The following ELMOD1 variants were observed in gnomAD, a reference collection of about 807,000 sequenced individuals.
ELMOD1 encodes ELMO domain containing 1, also known as ELMO domain-containing protein 1.
In ELMOD1, 21 loss-of-function variants were observed where a neutral mutation model predicts 46.7. The observed-to-expected ratio is 0.45, with a 90% CI of 0.32 to 0.65. The LOEUF (loss-of-function observed/expected upper bound fraction) is 0.65, where lower values mean the gene tolerates loss of function less well. Among genes scored for constraint, ELMOD1 ranks in the 30% least tolerant of loss-of-function variants. The pLI is 0.04. For synonymous variants in ELMOD1, 122 were observed against 138.2 expected, an observed-to-expected ratio of 0.88 and a Z score of 0.82; for missense variants, 348 against 407.8, an observed-to-expected ratio of 0.85 and a Z score of 1.26.
At chr11:107,607,405 C>T (rs1042842622) in intron 1 of ELMOD1, among the ~76,000 whole-genome samples, 2 of 152,136 alleles carry the variant, frequency 1.3e-5, no homozygotes, top group African/African-American at 2.4e-5. Flanking sequence ...CCTGTAATTC[C>T]AGCACTTTGG....
chr11:107,633,721 G>A (rs564026819), intron 5 of ELMOD1, among the ~76,000 whole-genome samples: 80 of 152,210 alleles, frequency 5.3e-4, no homozygotes, highest in African/African-American at 1.7e-3. Context: ...GTAAGACACC[G>A]CACCCGGCCA....
chr11:107,615,692 C>G (rs1233328445), intron 1 of ELMOD1, among the ~76,000 whole-genome samples: 1 of 152,072 alleles, frequency 6.6e-6, no homozygotes. Flanking sequence ...TAATACATTA[C>G]GTGTAATAGT....
In ELMOD1 at chr11:107,592,428, C is replaced by T. The variant is rs7943081; in HGVS notation, c.-86+1019C>T. ...GGCATCCAGGCATTGTTCTGCATCTCTGCAATGTATACGTTTTGTGCCGGT... is the reference window on the plus strand; with the variant it reads ...GGCATCCAGGCATTGTTCTGCATCTTTGCAATGTATACGTTTTGTGCCGGT... On this transcript the variant is annotated intron_variant, in intron 1 of 11. Coordinates refer to ENST00000265840, the MANE Select transcript of ELMOD1 (RefSeq NM_018712.4). 3,539 of 534,578 alleles carry T rather than the reference C, an allele frequency of 6.6e-3. 106 individuals are homozygous for T. The highest frequency in any genetic ancestry group is 0.062 in the African/African-American group (3,218 of 52,066). 33.1% of individuals were successfully genotyped at this position (534,578 alleles called of 1,614,324 possible). A position where few individuals can be genotyped will look rare whatever the true frequency, so the allele number is the denominator to read the frequency against.
chr11:107,652,739 A>C (rs1261458796), intron 9 of ELMOD1, among the ~76,000 whole-genome samples: 1 of 152,356 alleles, frequency 6.6e-6, no homozygotes, highest in East Asian at 1.9e-4. Flanking sequence ...CTTTAAAAAT[A>C]GGTGGCACGT....
Position 107,665,463 on chromosome 11 carries a change from T to C in ELMOD1, c.*266T>C. ...CCCAGGTATGGAGAGAGTTTTCTATTTTTTTAGACTTTTTTTCCTCTCCCT... is the reference window on the plus strand; with the variant it reads ...CCCAGGTATGGAGAGAGTTTTCTATCTTTTTAGACTTTTTTTCCTCTCCCT... On this transcript the variant is annotated 3_prime_UTR_variant, in exon 12 of 12. Coordinates refer to ENST00000265840, the MANE Select transcript of ELMOD1 (RefSeq NM_018712.4). 3.1e-6 allele frequency: 1 copy of C among 322,428 alleles called. No homozygotes were observed. The highest frequency in any genetic ancestry group is 5.6e-6 in the Non-Finnish European group (1 of 177,350). The allele number at this position is 322,428 out of a possible 1,614,324, so 20.0% of individuals were successfully genotyped here. A position where few individuals can be genotyped will look rare whatever the true frequency, so the allele number is the denominator to read the frequency against.
rs1004821178 is a variant in ELMOD1, at chr11:107,650,909, G to T, written c.647+1G>T. 1 of 1,118,948 alleles carries T rather than the reference G, an allele frequency of 8.9e-7. No homozygotes were observed. Among genetic ancestry groups the T allele is most frequent in the Non-Finnish European group, 1.2e-6 (1 of 826,078 alleles). The allele number at this position is 1,118,948 out of a possible 1,614,324, so 69.3% of individuals were successfully genotyped here. On this transcript the variant is annotated splice_donor_variant, in intron 9 of 11. Transcript: ENST00000265840. LOFTEE classifies it high-confidence loss of function. Reference sequence around the variant, plus strand: ...GGGATATCACTAAAGAAGAAATAAGGTATTTTTTCTTTGTTTTTGTGTTTT... The same window carrying T: ...GGGATATCACTAAAGAAGAAATAAGTTATTTTTTCTTTGTTTTTGTGTTTT...
chr11:107,602,091 G>T (rs1865610053), intron 1 of ELMOD1, among the ~76,000 whole-genome samples: 1 of 152,166 alleles, frequency 6.6e-6, no homozygotes, highest in South Asian at 2.1e-4. Context: ...GTCTGAAATT[G>T]TCTTCATTTT....
chr11:107,654,495 C>T (rs889694244), intron 10 of ELMOD1, among the ~76,000 whole-genome samples: 3 of 152,106 alleles, frequency 2.0e-5, no homozygotes, highest in Non-Finnish European at 4.4e-5. Flanking sequence ...TGGGGCCGGG[C>T]GCGGTGGCTC....
intron 1 of ELMOD1, among the ~76,000 whole-genome samples, chr11:107,611,812 A>G (rs568032436): frequency 9.2e-5 from 14 of 152,070 alleles, no homozygotes; most frequent in African/African-American, 2.4e-5. Flanking sequence ...AATCAAAACC[A>G]CAATGAGATA....
chr11:107,627,300 T>C (rs1028213131), intron 2 of ELMOD1, among the ~76,000 whole-genome samples: 1 of 152,188 alleles, frequency 6.6e-6, no homozygotes, highest in Non-Finnish European at 1.5e-5. Context: ...ATAGATACCA[T>C]TTCATAATTC....
At chr11:107,654,292 TGAAA>T in intron 10 of ELMOD1, 70 bp downstream of exon 10, 1 of 1,347,982 alleles carries the variant, frequency 7.4e-7, no homozygotes, top group African/African-American at 1.4e-5. Context: ...TAGAGTATCA[TGAAA>T]GACAAGGGTG....
At chr11:107,642,863 A>G (rs1866350785) in intron 6 of ELMOD1, 1 of 279,824 alleles carries the variant, frequency 3.6e-6, no homozygotes, top group Admixed American at 4.7e-5. Flanking sequence ...TGTGATCGTT[A>G]TATTTTTCTT....
intron 1 of ELMOD1, among the ~76,000 whole-genome samples, chr11:107,606,805 CA>C (rs1272740594): frequency 1.3e-5 from 2 of 151,692 alleles, no homozygotes; most frequent in African/African-American, 4.8e-5. Flanking sequence ...GGTGATAAAG[CA>C]AGACTCTGTC....
chr11:107,630,734 T>A lies in ELMOD1; in HGVS notation c.192+6T>A. On this transcript the variant is annotated splice_donor_region_variant and intron_variant, in intron 4 of 11. Coordinates refer to ENST00000265840, the MANE Select transcript of ELMOD1 (RefSeq NM_018712.4). ...TGAGGGATTCTAAAAGTAAGGTAAG[T>A]AAAATTATTTTTCAGCAGCTTTTTT... 1 of 1,598,528 alleles carries A rather than the reference T, an allele frequency of 6.3e-7. No individual in the cohort carries two copies. Among genetic ancestry groups the A allele is most frequent in the Non-Finnish European group, 8.5e-7 (1 of 1,172,878 alleles).
rs183053391 is a variant in ELMOD1 at position 107,656,159 on chromosome 11, G to A, written c.832+93G>A. 2.7e-4 allele frequency: 370 copies of A among 1,357,688 alleles called. 1 individual carries two copies. The African/African-American group carries it at 4.2e-3, about 15-fold the overall frequency. 84.1% of individuals were successfully genotyped at this position (1,357,688 alleles called of 1,614,324 possible). ...TCCCAGCACTTTGGGAGGCCAAGGC[G>A]AGTGGATTGCCTGAGCTCAGGAGTT... On this transcript the variant is annotated intron_variant, in intron 11 of 11. Coordinates refer to ENST00000265840, the MANE Select transcript of ELMOD1 (RefSeq NM_018712.4).
At chr11:107,613,483 A>G (rs1232728756) in intron 1 of ELMOD1, among the ~76,000 whole-genome samples, 1 of 152,152 alleles carries the variant, frequency 6.6e-6, no homozygotes, top group Non-Finnish European at 1.5e-5. Context: ...TTTTCTCTTA[A>G]TAGGAAGGCT....
chr11:107,622,738 G>T (rs2135678711), intron 2 of ELMOD1, among the ~76,000 whole-genome samples: 1 of 152,304 alleles, frequency 6.6e-6, no homozygotes, highest in Middle Eastern at 3.4e-3. Context: ...TCCAGAATTT[G>T]ATTAGCATTG....
At chr11:107,642,503 G>A (rs1866343666) in intron 6 of ELMOD1, among the ~76,000 whole-genome samples, 1 of 152,092 alleles carries the variant, frequency 6.6e-6, no homozygotes, top group Non-Finnish European at 1.5e-5. Context: ...AAGTAGCTGG[G>A]ATTACAGGCA....
In ELMOD1 at chr11:107,613,599, C is replaced by T. The variant is rs145123383; in HGVS notation, c.-85-4506C>T. Among the ~76,000 whole-genome samples, 1,030 of 152,166 alleles carry T rather than the reference C, an allele frequency of 6.8e-3. 7 individuals are homozygous for T. Among genetic ancestry groups the T allele is most frequent in the African/African-American group, 0.023 (956 of 41,520 alleles). On this transcript the variant is annotated intron_variant, in intron 1 of 11. Transcript: ENST00000265840. ...AATTCAAGAACTATTATGTAAAGAA[C>T]GGGGAGTTAAAGTATTATTTCACTT...
Sources: gnomAD v4.1 joint callset for allele counts (sites outside exome capture counted in the v4.1 genomes callset) on GRCh38, gnomAD v4.1.1 for gene constraint, MANE v1.5 for transcripts, NCBI Gene and HGNC (gene_info 2026-07-23, HGNC 2026-07-21) for gene names.